DLGAP2: variants seen among roughly 807,000 people sequenced by gnomAD.
DLGAP2 encodes the protein disks large-associated protein 2.
DLGAP2 carries 26 observed loss-of-function variants against 100.3 expected under a neutral mutation model. The observed-to-expected ratio is 0.26, with a 90% CI of 0.19 to 0.36. DLGAP2 has a LOEUF of 0.36. DLGAP2 is among the 10% of genes least tolerant of loss of function. The pLI is 1.00. For missense variants in DLGAP2, 1,858 were observed against 1,453.2 expected (o/e 1.28, Z -4.53); for synonymous variants, 886 against 630.1 (o/e 1.41, Z -6.08).
intron 1 of DLGAP2, among the ~76,000 whole-genome samples, chr8:759,595 C>A (rs887493881): frequency 6.6e-6 from 1 of 150,956 alleles, no homozygotes; most frequent in Non-Finnish European, 1.5e-5. Flanking sequence ...TGGGGCTCCC[C>A]CCTGGGCTGC....
At chr8:800,731 T>G (rs910393536) in intron 1 of DLGAP2, among the ~76,000 whole-genome samples, 1 of 152,088 alleles carries the variant, frequency 6.6e-6, no homozygotes, top group Admixed American at 6.6e-5. Context: ...GGTGTTTGTG[T>G]GTATGTGTAT....
intron 1 of DLGAP2, among the ~76,000 whole-genome samples, chr8:805,102 C>T (rs1038805851): frequency 6.6e-6 from 1 of 152,194 alleles, no homozygotes; most frequent in African/African-American, 2.4e-5. Context: ...TAGACACTTA[C>T]CTGACTGATT....
intron 2 of DLGAP2, among the ~76,000 whole-genome samples, chr8:1,210,692 C>T (rs1421300336): frequency 6.6e-6 from 1 of 152,146 alleles, no homozygotes; most frequent in Non-Finnish European, 1.5e-5. Flanking sequence ...CCACTTGAGG[C>T]CAAAGAAGGG....
chr8:1,595,899 T>G (rs1031159899), intron 6 of DLGAP2, among the ~76,000 whole-genome samples: 1 of 147,904 alleles, frequency 6.8e-6, no homozygotes, highest in Non-Finnish European at 1.5e-5. Flanking sequence ...TACTTTAAGT[T>G]TTAGGGTACA....
chr8:979,152 T>G (rs186548678), intron 2 of DLGAP2, among the ~76,000 whole-genome samples: 3 of 152,306 alleles, frequency 2.0e-5, no homozygotes, highest in African/African-American at 7.2e-5. Context: ...CTCAACATTG[T>G]TAAGATTCTT....
At chr8:1,007,597 GTCC>G (rs2129019820) in intron 2 of DLGAP2, among the ~76,000 whole-genome samples, 2 of 146,414 alleles carry the variant, frequency 1.4e-5, no homozygotes, top group East Asian at 4.3e-4. Context: ...GGCACCAGTG[GTCC>G]AGTGGTGGTC....
intron 3 of DLGAP2, among the ~76,000 whole-genome samples, chr8:1,446,126 T>C (rs1240156738): frequency 1.3e-5 from 2 of 152,084 alleles, no homozygotes; most frequent in Non-Finnish European, 2.9e-5. Flanking sequence ...TTGGCTTTTG[T>C]TGCCATTGCT....
intron 5 of DLGAP2, among the ~76,000 whole-genome samples, chr8:1,562,363 G>A (rs1284398358): frequency 1.8e-5 from 1 of 55,076 alleles, no homozygotes; most frequent in African/African-American, 7.7e-5. Context: ...GGGTGTCCGC[G>A]CCTCGTTGCT....
intron 6 of DLGAP2, among the ~76,000 whole-genome samples, chr8:1,585,968 C>T (rs930183655): frequency 1.4e-4 from 22 of 152,224 alleles, no homozygotes; most frequent in Non-Finnish European, 1.5e-4. Flanking sequence ...GCGTAGTTTA[C>T]AATAAACATG....
intron 3 of DLGAP2, among the ~76,000 whole-genome samples, chr8:1,359,997 G>A (rs1002329404): frequency 1.3e-5 from 2 of 152,148 alleles, no homozygotes; most frequent in African/African-American, 4.8e-5. Context: ...CAGCATCGCC[G>A]GTGTTTCAGC....
At chr8:854,493 G>T (rs967617761) in intron 1 of DLGAP2, among the ~76,000 whole-genome samples, 1 of 152,142 alleles carries the variant, frequency 6.6e-6, no homozygotes, top group African/African-American at 2.4e-5. Context: ...TAGCAGAAGG[G>T]GGGAGGTGGG....
chr8:1,328,132 C>G (rs553639428), intron 3 of DLGAP2, among the ~76,000 whole-genome samples: 1 of 151,776 alleles, frequency 6.6e-6, no homozygotes, highest in Admixed American at 6.6e-5. Flanking sequence ...CTCCACCTCC[C>G]AGGTTCAAGC....
chr8:1,174,389 A>C (rs921065074), intron 2 of DLGAP2, among the ~76,000 whole-genome samples: 1 of 151,722 alleles, frequency 6.6e-6, no homozygotes, highest in African/African-American at 2.4e-5. Flanking sequence ...CATTACCACC[A>C]TCATCATTAC....
chr8:857,432 A>T (rs1283152914), intron 1 of DLGAP2, among the ~76,000 whole-genome samples: 2 of 152,202 alleles, frequency 1.3e-5, no homozygotes, highest in South Asian at 2.1e-4. Flanking sequence ...TGCAAAACAC[A>T]CACCTGATGG....
intron 1 of DLGAP2, among the ~76,000 whole-genome samples, chr8:869,073 G>A (rs963700996): frequency 2.6e-5 from 4 of 152,158 alleles, no homozygotes; most frequent in Admixed American, 6.6e-5. Flanking sequence ...TTTCTGGGCC[G>A]GCTGCCCTGG....
intron 2 of DLGAP2, among the ~76,000 whole-genome samples, chr8:1,144,101 G>C (rs1004757720): frequency 6.6e-6 from 1 of 152,198 alleles, no homozygotes; most frequent in Non-Finnish European, 1.5e-5. Context: ...AGAATGTGAG[G>C]AATGATATCG....
intron 1 of DLGAP2, among the ~76,000 whole-genome samples, chr8:782,494 C>T (rs1387795632): frequency 6.6e-6 from 1 of 152,100 alleles, no homozygotes; most frequent in Non-Finnish European, 1.5e-5. Flanking sequence ...TAAGTTTAGC[C>T]ATCCTCAATT....
chr8:1,216,445 C>G (rs1371241326), intron 2 of DLGAP2, among the ~76,000 whole-genome samples: 1 of 151,914 alleles, frequency 6.6e-6, no homozygotes, highest in Non-Finnish European at 1.5e-5. Context: ...AACTCCTGGG[C>G]TCAGGAGATC....
At chr8:1,080,406 C>T (rs1285569827) in intron 2 of DLGAP2, among the ~76,000 whole-genome samples, 1 of 152,204 alleles carries the variant, frequency 6.6e-6, no homozygotes, top group Non-Finnish European at 1.5e-5. Flanking sequence ...AAGGGATGCT[C>T]CTCACACTTA....
Sources: gnomAD v4.1 joint callset for allele counts (sites outside exome capture counted in the v4.1 genomes callset) on GRCh38, gnomAD v4.1.1 for gene constraint, MANE v1.5 for transcripts, NCBI Gene and HGNC (gene_info 2026-07-23, HGNC 2026-07-21) for gene names.